Variants in MED14 observed in about 807,000 individuals in gnomAD.
MED14 encodes the protein mediator of RNA polymerase II transcription subunit 14.
In MED14, 8 loss-of-function variants were observed where a neutral mutation model predicts 109.0. The observed-to-expected ratio is 0.07, with a 90% CI of 0.04 to 0.13. The LOEUF is 0.13. Among genes scored for constraint, MED14 ranks in the 10% least tolerant of loss-of-function variants. The pLI, the probability that MED14 is intolerant of heterozygous loss-of-function variation, is 1.00. For synonymous variants in MED14, 399 were observed against 408.7 expected (o/e 0.98, Z 0.29); for missense variants, 711 against 1,142.4 (o/e 0.62, Z 5.44).
At chrX:40,727,908 A>G (rs1225986486) in intron 2 of MED14, among the ~76,000 whole-genome samples, 4 of 112,067 alleles carry the variant, frequency 3.6e-5, no homozygotes, top group Non-Finnish European at 7.5e-5. Flanking sequence ...CTGAGAGCAC[A>G]CATAGCCCAC....
At chrX:40,675,088 T>G (rs765501825) in intron 22 of MED14, 133 bp downstream of exon 22, 2 of 550,971 alleles carry the variant, frequency 3.6e-6, no homozygotes, top group East Asian at 7.9e-5. Context: ...CTGTAACTCT[T>G]TATTTCATAA....
chrX:40,702,346 G>GTTTT (rs35345632), intron 11 of MED14, among the ~76,000 whole-genome samples: 28 of 82,176 alleles, frequency 3.4e-4, no homozygotes, highest in African/African-American at 8.9e-4. Context: ...TATAAGTTTT[G>GTTTT]TTTTTTTTTT....
chrX:40,670,487 C>T (rs944647728), intron 23 of MED14, among the ~76,000 whole-genome samples: 1 of 111,976 alleles, frequency 8.9e-6, no homozygotes, highest in South Asian at 3.7e-4. Flanking sequence ...AGAGGCCGGG[C>T]GCGGTGGCTC....
At chrX:40,688,686 A>T (rs1041773038) in intron 15 of MED14, among the ~76,000 whole-genome samples, 156 bp from the exon 16 acceptor site, 2 of 112,387 alleles carry the variant, frequency 1.8e-5, no homozygotes, top group South Asian at 7.3e-4. Flanking sequence ...CCATCATTAG[A>T]TTCCCTGGGA....
In MED14 at chrX:40,658,688, C is replaced by CA. The variant is rs60449902; in HGVS notation, c.3972+538dup. On this transcript the variant is annotated intron_variant, in intron 28 of 30. Transcript: ENST00000324817. ...CAACACGGTGAAACTCCGTCTCTAC[C>CA]AAAAAAAAAAAAAAAAAAAAAAAAA... Among the ~76,000 whole-genome samples, 48 of 21,652 alleles carry CA rather than the reference C, an allele frequency of 2.2e-3. 1 individual carries two copies. The highest frequency in any genetic ancestry group is 7.8e-3 in the African/African-American group (44 of 5,619). 18.8% of individuals were successfully genotyped at this position (21,652 alleles called of 115,157 possible).
At chrX:40,678,882 C>T (rs1274443772) in intron 21 of MED14, among the ~76,000 whole-genome samples, 1 of 110,624 alleles carries the variant, frequency 9.0e-6, no homozygotes, top group Non-Finnish European at 1.9e-5. Flanking sequence ...TCAGATAATG[C>T]CCTCAACCAA....
chrX:40,656,193 C>A (rs1443147837), intron 28 of MED14, among the ~76,000 whole-genome samples: 1 of 111,296 alleles, frequency 9.0e-6, no homozygotes, highest in Non-Finnish European at 1.9e-5. Flanking sequence ...AAGAATCTAA[C>A]AATGATACAA....
chrX:40,684,080 G>C (rs1479080998), intron 16 of MED14, among the ~76,000 whole-genome samples: 1 of 111,667 alleles, frequency 9.0e-6, no homozygotes, highest in African/African-American at 3.3e-5. Context: ...TATTTATATT[G>C]AGGCAAAAAA....
intron 8 of MED14, 138 bp downstream of exon 8, chrX:40,711,031 T>C: frequency 1.4e-6 from 1 of 718,511 alleles, no homozygotes; most frequent in Non-Finnish European, 2.0e-6. Flanking sequence ...TTGATCTGCA[T>C]ATAAGTGGAC....
At chrX:40,733,275 AC>A (rs1932144307) in intron 1 of MED14, among the ~76,000 whole-genome samples, 1 of 109,786 alleles carries the variant, frequency 9.1e-6, no homozygotes, top group African/African-American at 3.3e-5. Context: ...GGCTTGGGCC[AC>A]CACACCCAGC....
At chrX:40,708,791 A>G (rs1044403337) in intron 10 of MED14, among the ~76,000 whole-genome samples, 10 of 111,638 alleles carry the variant, frequency 9.0e-5, no homozygotes, top group African/African-American at 2.9e-4. Context: ...CCTTATTTGA[A>G]CTGTTAATAA....
In MED14 at chrX:40,691,607, C is replaced by CTTT. The variant is rs36144185; in HGVS notation, c.1980+573_1980+575dup. ...CAGCCTGTCCACTTTTTCTTTTAATCTTTTTTTTTTTTTTTTTTTTTGGAG... is the reference window on the plus strand; with the variant it reads ...CAGCCTGTCCACTTTTTCTTTTAATCTTTTTTTTTTTTTTTTTTTTTTTTGGAG... On this transcript the variant is annotated intron_variant, in intron 15 of 30. Coordinates refer to ENST00000324817, the MANE Select transcript of MED14 (RefSeq NM_004229.4). Among the ~76,000 whole-genome samples, 448 of 59,384 alleles carry CTTT rather than the reference C, an allele frequency of 7.5e-3. 45 individuals are homozygous for CTTT. The highest frequency in any genetic ancestry group is 0.014 in the African/African-American group (236 of 16,577). 51.6% of individuals were successfully genotyped at this position (59,384 alleles called of 115,157 possible).
At chrX:40,714,766 A>T (rs1931455973) in intron 3 of MED14, 56 bp from the exon 4 acceptor site, 1 of 1,023,542 alleles carries the variant, frequency 9.8e-7, no homozygotes, top group South Asian at 2.4e-5. Flanking sequence ...TCCTTTTCAC[A>T]CTAAATATTG....
chrX:40,677,593 T>C (rs1443083803), intron 21 of MED14, among the ~76,000 whole-genome samples: 3 of 110,575 alleles, frequency 2.7e-5, no homozygotes, highest in African/African-American at 9.9e-5. Flanking sequence ...TTTTAAAGAA[T>C]GGCCAAAATA....
chrX:40,709,525 G>C (rs1931261603), intron 9 of MED14, 66 bp from the exon 10 acceptor site: 1 of 474,277 alleles, frequency 2.1e-6, no homozygotes. Flanking sequence ...AAGCCCAAGA[G>C]TAGATTACTG....
At chrX:40,706,913 C>T (rs1405393453) in intron 10 of MED14, among the ~76,000 whole-genome samples, 1 of 111,726 alleles carries the variant, frequency 9.0e-6, no homozygotes, top group Non-Finnish European at 1.9e-5. Context: ...TCTCAACAAA[C>T]GAAGTTTTGA....
chrX:40,701,273 T>C (rs780546887), intron 11 of MED14, 30 bp from the exon 12 acceptor site: 1 of 991,034 alleles, frequency 1.0e-6, no homozygotes, highest in East Asian at 3.1e-5. Context: ...ATTAATTAAT[T>C]GCTTATATGA....
At chrX:40,689,105 C>T (rs1242819341) in intron 15 of MED14, among the ~76,000 whole-genome samples, 1 of 112,344 alleles carries the variant, frequency 8.9e-6, no homozygotes, top group Non-Finnish European at 1.9e-5. Flanking sequence ...GTGCCTGAAA[C>T]CCTTTCCATG....
chrX:40,692,115 C>A (rs1930536380), intron 15 of MED14, 68 bp downstream of exon 15: 1 of 1,022,422 alleles, frequency 9.8e-7, no homozygotes. Flanking sequence ...TCTATATATA[C>A]CCTCAGCAAC....
Sources: allele counts gnomAD v4.1 joint callset (sites outside exome capture counted in the v4.1 genomes callset), GRCh38; gene constraint gnomAD v4.1.1; transcripts MANE v1.5; gene names NCBI Gene and HGNC (gene_info 2026-07-23, HGNC 2026-07-21).